The following BUD13 variants were observed in gnomAD, a reference collection of about 807,000 sequenced individuals.
BUD13 encodes BUD13 homolog.
BUD13 carries 47 observed loss-of-function variants against 62.5 expected under a neutral mutation model. That is an observed-to-expected ratio of 0.75 (90% CI 0.60 to 0.96). The LOEUF is 0.96. Among genes scored for constraint, BUD13 ranks in the 40% least tolerant of loss-of-function variants. The pLI, the probability that BUD13 is intolerant of heterozygous loss-of-function variation, is 0.00. For missense variants in BUD13, 821 were observed against 790.9 expected (o/e 1.04, Z -0.46); for synonymous variants, 293 against 280.1 (o/e 1.05, Z -0.46).
chr11:116,765,638 G>T (rs1219987593), intron 2 of BUD13, among the ~76,000 whole-genome samples, 192 bp from the exon 3 acceptor site: 26 of 152,096 alleles, frequency 1.7e-4, no homozygotes, highest in Admixed American at 1.7e-3. Flanking sequence ...TCACTGTATT[G>T]GTTTAATTGT....
chr11:116,765,265 A>G, intron 3 of BUD13, 97 bp downstream of exon 3: 1 of 1,305,058 alleles, frequency 7.7e-7, no homozygotes, highest in Non-Finnish European at 1.1e-6. Flanking sequence ...ATGACATGCT[A>G]AAACAAACTA....
chr11:116,756,529 A>G (rs938447071), intron 9 of BUD13, among the ~76,000 whole-genome samples: 9 of 152,230 alleles, frequency 5.9e-5, no homozygotes, highest in Middle Eastern at 3.4e-3. Context: ...AAAAGACTGT[A>G]AAAGGGTCCT....
At chr11:116,751,199 G>A (rs1940226133) in intron 9 of BUD13, among the ~76,000 whole-genome samples, 1 of 152,206 alleles carries the variant, frequency 6.6e-6, no homozygotes, top group Admixed American at 6.5e-5. Flanking sequence ...GATTGAAAGT[G>A]AGCTCCTGGG....
At chr11:116,768,585 T>TA (rs1250156848) in intron 2 of BUD13, among the ~76,000 whole-genome samples, 275 of 151,390 alleles carry the variant, frequency 1.8e-3, no homozygotes, top group African/African-American at 6.1e-3. Context: ...TTTATAAAAT[T>TA]AAAAAAAAAC....
intron 6 of BUD13, 130 bp downstream of exon 6, chr11:116,758,944 C>T (rs981380273): frequency 2.9e-6 from 2 of 687,658 alleles, no homozygotes; most frequent in Non-Finnish European, 5.0e-6. Context: ...TGAGAAATTA[C>T]AACAATGCAT....
At chr11:116,749,778 G>A (rs1940201319) in intron 9 of BUD13, among the ~76,000 whole-genome samples, 2 of 152,200 alleles carry the variant, frequency 1.3e-5, no homozygotes, top group African/African-American at 4.8e-5. Context: ...ACTCTGGAGG[G>A]GATCTGGGGC....
At chr11:116,754,977 C>G (rs1397597169) in intron 9 of BUD13, among the ~76,000 whole-genome samples, 2 of 152,142 alleles carry the variant, frequency 1.3e-5, no homozygotes, top group East Asian at 3.9e-4. Flanking sequence ...AGTGACCAGA[C>G]AGGTAAATAA....
At chr11:116,766,117 A>G (rs577769842) in intron 2 of BUD13, among the ~76,000 whole-genome samples, 2 of 152,356 alleles carry the variant, frequency 1.3e-5, no homozygotes, top group South Asian at 4.1e-4. Context: ...TAGTTTTACT[A>G]GTACCGTATC....
At chr11:116,757,090 G>T in intron 9 of BUD13, 56 bp downstream of exon 9, 1 of 1,510,290 alleles carries the variant, frequency 6.6e-7, no homozygotes, top group East Asian at 2.3e-5. Flanking sequence ...AGCAACTTAC[G>T]AGTGGTTAGG....
At chr11:116,772,005 A>C (rs1940639164) in intron 1 of BUD13, among the ~76,000 whole-genome samples, 1 of 152,216 alleles carries the variant, frequency 6.6e-6, no homozygotes, top group Non-Finnish European at 1.5e-5. Flanking sequence ...TTGGCAACAT[A>C]AATCCAATCC....
rs1251510977 is a variant in BUD13 at position 116,762,552 on chromosome 11, C to A, written c.1036+1G>T. The A allele has an allele frequency of 1.2e-6, 2 of 1,603,146 alleles. No individual in the cohort carries two copies. Among genetic ancestry groups the A allele is most frequent in the Non-Finnish European group, 1.7e-6 (2 of 1,174,000 alleles). The stretch of plus-strand genomic sequence containing the variant: ...CCTCTCATGGACAGTCATATGCTCA[C>A]CTTTGGAATCAAGCTGCTTCTTGTC... On this transcript the variant is annotated splice_donor_variant, in intron 4 of 9. Coordinates refer to ENST00000260210, the MANE Select transcript of BUD13 (RefSeq NM_032725.4). LOFTEE classifies it high-confidence loss of function.
chr11:116,757,729 C>A, intron 8 of BUD13, 37 bp downstream of exon 8: 1 of 1,581,498 alleles, frequency 6.3e-7, no homozygotes, highest in Non-Finnish European at 8.6e-7. Context: ...TCTCTCTTCA[C>A]AAGTCACCTC....
intron 9 of BUD13, among the ~76,000 whole-genome samples, chr11:116,756,625 G>A (rs1249512134): frequency 6.6e-6 from 1 of 152,164 alleles, no homozygotes; most frequent in Non-Finnish European, 1.5e-5. Context: ...TAATATGTGA[G>A]TATACAAACT....
intron 9 of BUD13, among the ~76,000 whole-genome samples, 179 bp from the exon 10 acceptor site, chr11:116,748,754 A>C (rs560132125): frequency 3.3e-5 from 5 of 152,228 alleles, no homozygotes; most frequent in African/African-American, 4.8e-5. Flanking sequence ...TTGGGAGGCC[A>C]AGGCGGGTAG....
intron 7 of BUD13, 42 bp from the exon 8 acceptor site, chr11:116,757,992 C>T: frequency 6.2e-7 from 1 of 1,605,510 alleles, no homozygotes; most frequent in African/African-American, 1.3e-5. Flanking sequence ...TCCTGTATGA[C>T]ATTTCCACTT....
chr11:116,769,283 G>A (rs1215618204), intron 2 of BUD13, among the ~76,000 whole-genome samples: 1 of 152,086 alleles, frequency 6.6e-6, no homozygotes, highest in Non-Finnish European at 1.5e-5. Context: ...ACCTCCCCGG[G>A]CTCTAATGGT....
chr11:116,770,321 T>G (rs1175104088), intron 1 of BUD13, 99 bp from the exon 2 acceptor site: 29 of 939,734 alleles, frequency 3.1e-5, no homozygotes, highest in Non-Finnish European at 4.4e-5. Flanking sequence ...TCCTACAGGA[T>G]CCTGCATGGT....
At position 116,757,869 on chromosome 11, in the gene BUD13, A is replaced by G. The variant is rs1447542435; in HGVS notation, c.1581T>C (p.Asp527=). 1.2e-6 allele frequency: 2 copies of G among 1,614,166 alleles called. No homozygotes were observed. The change falls in exon 8 of 10, where the codon GAT becomes GAC. Residue 527 remains aspartate (D), a synonymous_variant. Transcript: ENST00000260210. ...EMQKPLARYI[D]DEDLDRMLRE... ...TTAGCATCCTATCCAGATCTTCGTCATCAATATAGCGGGCCAGAGGCTTTT... is the reference window on the plus strand; with the variant it reads ...TTAGCATCCTATCCAGATCTTCGTCGTCAATATAGCGGGCCAGAGGCTTTT...
intron 9 of BUD13, among the ~76,000 whole-genome samples, chr11:116,750,472 C>T: frequency 6.6e-6 from 1 of 152,188 alleles, no homozygotes; most frequent in East Asian, 1.9e-4. Context: ...CGGAACTAGC[C>T]CTTTCAGGTC....
Sources: gnomAD v4.1 joint callset for allele counts (sites outside exome capture counted in the v4.1 genomes callset) on GRCh38, gnomAD v4.1.1 for gene constraint, MANE v1.5 for transcripts, NCBI Gene and HGNC (gene_info 2026-07-23, HGNC 2026-07-21) for gene names.